Variants in MID1 observed in about 807,000 individuals in gnomAD.
The protein encoded by MID1 is midline 1, also known as E3 ubiquitin-protein ligase Midline-1.
In MID1, 7 loss-of-function variants were observed where a neutral mutation model predicts 40.4. The observed-to-expected ratio is 0.17, with a 90% CI of 0.10 to 0.33. MID1 has a LOEUF of 0.33. Ranked by LOEUF, MID1 falls within the 10% of genes least tolerant of loss-of-function variation. The pLI is 1.00. For missense variants in MID1, 367 were observed against 558.5 expected, an observed-to-expected ratio of 0.66 and a Z score of 3.46; for synonymous variants, 229 against 221.2, an observed-to-expected ratio of 1.04 and a Z score of -0.31.
intron 2 of MID1, among the ~76,000 whole-genome samples, chrX:10,556,096 A>G (rs1934109459): frequency 1.2e-5 from 1 of 81,586 alleles, no homozygotes; most frequent in Non-Finnish European, 2.2e-5. Flanking sequence ...GCAACCCTAC[A>G]AAAAAAAAAA....
At chrX:10,549,992 T>C (rs908189463) in intron 2 of MID1, among the ~76,000 whole-genome samples, 9 of 112,856 alleles carry the variant, frequency 8.0e-5, no homozygotes, top group Non-Finnish European at 1.7e-4. Flanking sequence ...TTGAGGAGTT[T>C]AGAATCCACA....
intron 1 of MID1, among the ~76,000 whole-genome samples, chrX:10,579,719 T>C (rs746745040): frequency 1.5e-4 from 17 of 111,279 alleles, no homozygotes; most frequent in Non-Finnish European, 2.6e-4. Context: ...TCACAACTCC[T>C]GGTTAACTAT....
At chrX:10,565,960 C>A (rs1309048841) in intron 2 of MID1, among the ~76,000 whole-genome samples, 1 of 110,634 alleles carries the variant, frequency 9.0e-6, no homozygotes, top group Non-Finnish European at 1.9e-5. Context: ...CAGGCACCCA[C>A]CACCACACCC....
intron 1 of MID1, among the ~76,000 whole-genome samples, chrX:10,665,568 C>T (rs748088100): frequency 5.1e-4 from 55 of 107,042 alleles, no homozygotes; most frequent in African/African-American, 1.8e-3. Context: ...TGCTTTGTCG[C>T]CCAGGCTGGA....
At chrX:10,459,883 T>G (rs1928924194) in intron 7 of MID1, 76 bp from the exon 8 acceptor site, 1 of 1,025,383 alleles carries the variant, frequency 9.8e-7, no homozygotes, top group Non-Finnish European at 1.4e-6. Context: ...GGTTGAATAA[T>G]TTCCATTTAT....
intron 2 of MID1, among the ~76,000 whole-genome samples, chrX:10,552,998 AGTACTT>A (rs1933975509): frequency 8.9e-6 from 1 of 111,907 alleles, no homozygotes; most frequent in East Asian, 2.8e-4. Context: ...ATGTAATCCC[AGTACTT>A]TTGGAGGCCT....
intron 1 of MID1, among the ~76,000 whole-genome samples, chrX:10,759,477 G>T (rs73483002): frequency 0.1 from 11,483 of 110,911 alleles, 1,451 homozygotes; most frequent in African/African-American, 0.36. Context: ...TGCCAGTGAC[G>T]GGTGAGATAA....
intron 2 of MID1, among the ~76,000 whole-genome samples, chrX:10,542,077 T>C (rs1933492816): frequency 8.9e-6 from 1 of 112,430 alleles, no homozygotes; most frequent in South Asian, 3.7e-4. Context: ...CAAACCTGGA[T>C]AATATCAATT....
intron 4 of MID1, among the ~76,000 whole-genome samples, chrX:10,483,771 C>T (rs1236512709): frequency 1.8e-5 from 2 of 112,079 alleles, no homozygotes; most frequent in East Asian, 5.6e-4. Context: ...CTGTATAACT[C>T]TAATCTAAGA....
intron 2 of MID1, among the ~76,000 whole-genome samples, chrX:10,528,778 C>A (rs1384243697): frequency 1.8e-5 from 2 of 112,239 alleles, no homozygotes; most frequent in Non-Finnish European, 3.8e-5. Context: ...GAAATAGATG[C>A]CACTCAATGA....
chrX:10,720,712 G>A (rs1454907807), intron 1 of MID1, among the ~76,000 whole-genome samples: 1 of 111,480 alleles, frequency 9.0e-6, no homozygotes, highest in African/African-American at 3.3e-5. Context: ...ATACCTAAAG[G>A]ATTATAAATC....
At chrX:10,553,426 G>T (rs1339354243) in intron 2 of MID1, among the ~76,000 whole-genome samples, 1 of 111,220 alleles carries the variant, frequency 9.0e-6, no homozygotes, top group African/African-American at 3.3e-5. Context: ...ATGGATAACA[G>T]ATCAAAAAGT....
At chrX:10,535,357 G>T (rs1478790989) in intron 2 of MID1, among the ~76,000 whole-genome samples, 1 of 111,607 alleles carries the variant, frequency 9.0e-6, no homozygotes, top group African/African-American at 3.3e-5. Context: ...TTATACTTTA[G>T]GATTTATTCA....
intron 1 of MID1, among the ~76,000 whole-genome samples, chrX:10,646,058 T>C (rs1350123637): frequency 5.4e-5 from 6 of 111,396 alleles, no homozygotes; most frequent in Non-Finnish European, 1.1e-4. Context: ...AGCTGTGTTT[T>C]ACTCTCCTCG....
Position 10,446,340 on chromosome X carries a change from G to A in MID1, c.*3028C>T, listed in dbSNP as rs764356681. ...CCTGGAGCTGAGATGGAATTCCACG[G>A]TCACTGGAGGACGTTAGTTCAGTTC... On this transcript the variant is annotated 3_prime_UTR_variant, in exon 10 of 10. Transcript: ENST00000317552. 2.7e-5 allele frequency: 3 copies of A among 111,878 alleles called. No individual in the cohort carries two copies. The highest frequency in any genetic ancestry group is 9.7e-5 in the African/African-American group (3 of 30,775). 9.2% of individuals were successfully genotyped at this position (111,878 alleles called of 1,213,427 possible). A position where few individuals can be genotyped will look rare whatever the true frequency, so the allele number is the denominator to read the frequency against.
chrX:10,494,637 G>A (rs1189068620), intron 4 of MID1, among the ~76,000 whole-genome samples: 3 of 109,258 alleles, frequency 2.7e-5, no homozygotes, highest in African/African-American at 1.0e-4. Flanking sequence ...AGCCAGGTGT[G>A]GTGGCCCATG....
intron 1 of MID1, among the ~76,000 whole-genome samples, chrX:10,758,743 C>T (rs1210818988): frequency 2.7e-5 from 3 of 110,477 alleles, no homozygotes; most frequent in Non-Finnish European, 5.7e-5. Context: ...CCACCTCAGC[C>T]TCCCAAAGTG....
intron 1 of MID1, among the ~76,000 whole-genome samples, chrX:10,676,076 A>G (rs1329969952): frequency 1.8e-5 from 2 of 112,015 alleles, no homozygotes; most frequent in Non-Finnish European, 3.8e-5. Flanking sequence ...GCAAAAATAC[A>G]TTCTCACAGG....
intron 2 of MID1, among the ~76,000 whole-genome samples, chrX:10,543,770 G>A (rs888766299): frequency 1.8e-5 from 2 of 111,098 alleles, no homozygotes; most frequent in Non-Finnish European, 3.8e-5. Flanking sequence ...TGGAACCCGG[G>A]AAGCAAAGGC....
Sources: allele counts gnomAD v4.1 joint callset (sites outside exome capture counted in the v4.1 genomes callset), GRCh38; gene constraint gnomAD v4.1.1; transcripts MANE v1.5; gene names NCBI Gene and HGNC (gene_info 2026-07-23, HGNC 2026-07-21).